The following SLITRK5 variants were observed in gnomAD, a reference collection of about 807,000 sequenced individuals.
SLITRK5 encodes the protein SLIT and NTRK-like protein 5.
A neutral mutation model predicts 56.2 loss-of-function variants in SLITRK5; 23 were observed. The ratio of observed to expected loss-of-function variants is 0.41; its 90% confidence interval spans 0.29 to 0.58. The LOEUF is 0.58. Ranked by LOEUF, SLITRK5 falls within the 20% of genes least tolerant of loss-of-function variation. The pLI is 0.30. For synonymous variants in SLITRK5, 637 were observed against 531.8 expected (o/e 1.20, Z -2.72); for missense variants, 1,289 against 1,226.6 (o/e 1.05, Z -0.76).
chr13:87,672,037 C>A lies in SLITRK5; in HGVS notation c.-181C>A, dbSNP rs986151063. 2.0e-5 allele frequency among the ~76,000 whole-genome samples: 3 copies of A among 152,204 alleles called. No individual in the cohort carries two copies. In the East Asian group the frequency reaches 5.9e-4, roughly 30 times the overall value. On this transcript the variant is annotated 5_prime_UTR_variant, in exon 1 of 2. It introduces an in-frame stop codon into an upstream open reading frame of the 5' UTR. Coordinates refer to ENST00000683689, the MANE Select transcript of SLITRK5 (RefSeq NM_001384609.1). The stretch of plus-strand genomic sequence containing the variant: ...TCCCTCTGGCTCGTCCCCCGGCGTG[C>A]GCCACTGACCAGGGGGGAATGTGGT...
chr13:87,673,106 C>T (rs2137938336), intron 1 of SLITRK5, among the ~76,000 whole-genome samples: 1 of 151,834 alleles, frequency 6.6e-6, no homozygotes, highest in Non-Finnish European at 1.5e-5. Context: ...GTCCGAGAGG[C>T]TCCATGCTGC....
intron 1 of SLITRK5, 57 bp from the exon 2 acceptor site, chr13:87,675,324 G>A: frequency 7.9e-7 from 1 of 1,259,130 alleles, no homozygotes; most frequent in Non-Finnish European, 1.1e-6. Flanking sequence ...CTTTCTGACT[G>A]ATCCCTTAAA....
chr13:87,677,517 T>A lies in SLITRK5; in HGVS notation c.2129T>A (p.Phe710Tyr). ...ACCAACAACTCCGACGTGAGCTCCTTTAACATGCAGTACAGCGTGTACGGC... is the reference window on the plus strand; with the variant it reads ...ACCAACAACTCCGACGTGAGCTCCTATAACATGCAGTACAGCGTGTACGGC... ...TSTNNSDVSS[F>Y]NMQYSVYGGG... Residue 710 changes from phenylalanine (F) to tyrosine (Y), a missense_variant, in exon 2 of 2, where the codon TTT becomes TAT. Around this residue, in one of 3 missense-constraint regions of SLITRK5, gnomAD observed 985 missense variants for 906.0 expected, o/e 1.09. Coordinates refer to ENST00000683689, the MANE Select transcript of SLITRK5 (RefSeq NM_001384609.1). The surrounding 1 kb of genome is among the most constrained non-coding windows in gnomAD (Gnocchi z 4.7). 1 of 1,612,080 alleles carries A rather than the reference T, an allele frequency of 6.2e-7. No individual in the cohort carries two copies. The highest frequency in any genetic ancestry group is 8.5e-7 in the Non-Finnish European group (1 of 1,179,756).
chr13:87,673,694 C>T, intron 1 of SLITRK5: 1 of 454,516 alleles, frequency 2.2e-6, no homozygotes, highest in Non-Finnish European at 4.4e-6. Flanking sequence ...GGTTCCAATT[C>T]ATCTCGACAC....
At chr13:87,672,511 C>A (rs1228252874) in intron 1 of SLITRK5, 1 of 151,586 alleles carries the variant, frequency 6.6e-6, no homozygotes, top group Non-Finnish European at 1.5e-5. Context: ...CCTCCCGCCG[C>A]CTCCCTATCC....
rs762869284 is a variant in SLITRK5, at chr13:87,675,457, G to A, written c.69G>A (p.Leu23=). 2.5e-6 allele frequency: 4 copies of A among 1,614,156 alleles called. No individual in the cohort carries two copies. Among genetic ancestry groups the A allele is most frequent in the Non-Finnish European group, 3.4e-6 (4 of 1,180,032 alleles). Residue 23 remains leucine, a synonymous_variant, in exon 2 of 2, where the codon CTG becomes CTA. Transcript: ENST00000683689. The part of the protein sequence containing the change: ...DLHRKMHSWM[L]QTLAFAVTSL... The stretch of plus-strand genomic sequence containing the variant: ...ACAGAAAAATGCATAGCTGGATGCT[G>A]CAGACTCTAGCGTTTGCTGTAACAT...
At position 87,676,186 on chromosome 13, in the gene SLITRK5, C is replaced by G; in HGVS notation, c.798C>G (p.Thr266=). 1 of 1,614,064 alleles carries G rather than the reference C, an allele frequency of 6.2e-7. No homozygotes were observed. Among genetic ancestry groups the G allele is most frequent in the Non-Finnish European group, 8.5e-7 (1 of 1,180,010 alleles). Residue 266 remains threonine, a synonymous_variant, in exon 2 of 2, where the codon ACC becomes ACG. Transcript: ENST00000683689. ...TGGTGGGGGATGTAGTTTGTGAGACCCCCTTCCGCTTACACGGAAGGGACT... is the reference window on the plus strand; with the variant it reads ...TGGTGGGGGATGTAGTTTGTGAGACGCCCTTCCGCTTACACGGAAGGGACT... The part of the protein sequence containing the change: ...SALVGDVVCE[T]PFRLHGRDLD...
chr13:87,676,580 A>C lies in SLITRK5; in HGVS notation c.1192A>C (p.Ile398Leu), dbSNP rs376547605. Residue 398 changes from isoleucine to leucine, a missense_variant, in exon 2 of 2, where the codon ATC (isoleucine) becomes CTC (leucine). Physicochemically the swap from Ile to Leu is conservative, Grantham distance 5. Coordinates refer to ENST00000683689, the MANE Select transcript of SLITRK5 (RefSeq NM_001384609.1). ...GLNVNCQERK[I>L]ESIAELQPKP... is the part of the protein sequence containing the mutation. ...CAACGTAAACTGCCAGGAGCGAAAG[A>C]TCGAGAGCATCGCTGAACTGCAGCC... 4 of 1,614,008 alleles carry C rather than the reference A, an allele frequency of 2.5e-6. No individual in the cohort carries two copies. In the African/African-American group the frequency reaches 5.3e-5, roughly 22 times the overall value.
Position 87,678,038 on chromosome 13 carries a change from C to G in SLITRK5, c.2650C>G (p.Pro884Ala). The G allele has an allele frequency of 6.2e-7, 1 of 1,614,012 alleles. No individual in the cohort carries two copies. The highest frequency in any genetic ancestry group is 1.1e-5 in the South Asian group (1 of 91,080). ...LPEYPKFPCS[P>A]AAYTFSPNYD... The stretch of plus-strand genomic sequence containing the variant: ...GGAATATCCCAAATTCCCGTGCAGC[C>G]CCGCTGCTTACACTTTCTCCCCCAA... Residue 884 changes from proline to alanine, a missense_variant, in exon 2 of 2, where the codon CCC becomes GCC. Coordinates refer to ENST00000683689, the MANE Select transcript of SLITRK5 (RefSeq NM_001384609.1).
Position 87,678,868 on chromosome 13 carries a change from G to T in SLITRK5, c.*603G>T, listed in dbSNP as rs75871884. ...TCTGGACATTTGAATTAAAAAAAAA[G>T]TATTGTGATCCTGTAAAGGATCACC... On this transcript the variant is annotated 3_prime_UTR_variant, in exon 2 of 2. Coordinates refer to ENST00000683689, the MANE Select transcript of SLITRK5 (RefSeq NM_001384609.1). 1 of 164,808 alleles carries T rather than the reference G, an allele frequency of 6.1e-6. No individual in the cohort carries two copies. Among genetic ancestry groups the T allele is most frequent in the Non-Finnish European group, 1.5e-5 (1 of 67,822 alleles). 10.2% of individuals were successfully genotyped at this position (164,808 alleles called of 1,614,324 possible).
rs1462417042 is a variant in SLITRK5 at position 87,675,878 on chromosome 13, T to A, written c.490T>A (p.Tyr164Asn). The A allele has an allele frequency of 6.2e-7, 1 of 1,614,186 alleles. No homozygotes were observed. The highest frequency in any genetic ancestry group is 1.7e-5 in the Admixed American group (1 of 60,030). Residue 164 changes from tyrosine to asparagine, a missense_variant, in exon 2 of 2, where the codon TAC (tyrosine) becomes AAC (asparagine). Tyr to Asn is a moderately radical substitution (Grantham distance 143). Coordinates refer to ENST00000683689, the MANE Select transcript of SLITRK5 (RefSeq NM_001384609.1). ...GGAGTACCTACAGGTCGATTACAAC[T>A]ACATCAGCGTCATTGAACCCAATGC... ...NLEYLQVDYN[Y>N]ISVIEPNAFG...
Position 87,679,208 on chromosome 13 carries a change from A to C in SLITRK5, c.*943A>C, listed in dbSNP as rs544262393. On this transcript the variant is annotated 3_prime_UTR_variant, in exon 2 of 2. Transcript: ENST00000683689. ...TGAATCTGCATTTTCTTTTAAGAAA[A>C]CAGAGCTGATTGTATCCCAATGTAT... 3.9e-4 allele frequency: 66 copies of C among 167,170 alleles called. No homozygotes were observed. Among genetic ancestry groups the C allele is most frequent in the African/African-American group, 1.5e-3 (64 of 41,586 alleles). 10.4% of individuals were successfully genotyped at this position (167,170 alleles called of 1,614,324 possible). A position where few individuals can be genotyped will look rare whatever the true frequency, so the allele number is the denominator to read the frequency against.
In SLITRK5 at chr13:87,678,962, T is replaced by C. The variant is rs1447109439; in HGVS notation, c.*697T>C. 1 of 164,740 alleles carries C rather than the reference T, an allele frequency of 6.1e-6. No homozygotes were observed. The highest frequency in any genetic ancestry group is 1.5e-5 in the Non-Finnish European group (1 of 67,834). The allele number at this position is 164,740 out of a possible 1,614,324, so 10.2% of individuals were successfully genotyped here. A position where few individuals can be genotyped will look rare whatever the true frequency, so the allele number is the denominator to read the frequency against. On this transcript the variant is annotated 3_prime_UTR_variant, in exon 2 of 2. Transcript: ENST00000683689. ...ATAATTGATTAGTCAAAATAACTTA[T>C]TGATGAAATATACAAATATTTTATT...
chr13:87,677,049 C>G lies in SLITRK5; in HGVS notation c.1661C>G (p.Ser554Ter). Residue 554 changes from serine (S) to a stop codon, truncating the protein, a stop_gained, in exon 2 of 2, where the codon TCA (serine) becomes TGA (stop). Transcript: ENST00000683689. LOFTEE classifies it high-confidence loss of function. The surrounding 1 kb of genome is among the most constrained non-coding windows in gnomAD (Gnocchi z 4.7). ...AGTGGAGTTTTGGACCAGCTGAAGT[C>G]ACTCATCCAAATCGACCTGCATGAC... ...PVSGVLDQLKSLIQIDLHDNP... is the reference protein window; with the variant it reads ...PVSGVLDQLK 1 of 1,614,114 alleles carries G rather than the reference C, an allele frequency of 6.2e-7. No homozygotes were observed. Among genetic ancestry groups the G allele is most frequent in the Non-Finnish European group, 8.5e-7 (1 of 1,180,020 alleles).
Position 87,676,317 on chromosome 13 carries a change from C to A in SLITRK5, c.929C>A (p.Pro310Gln). The change falls in exon 2 of 2, where the codon CCG becomes CAG. Residue 310 changes from proline (P) to glutamine (Q), a missense_variant. Pro to Gln is a moderately conservative substitution (Grantham distance 76). Coordinates refer to ENST00000683689, the MANE Select transcript of SLITRK5 (RefSeq NM_001384609.1). ...ACCACGGGGTATTTACACACCACCC[C>A]GGCGTCAGTGAATTCTGTGGCCACT... ...LSTTGYLHTT[P>Q]ASVNSVATSS... 1 of 1,614,130 alleles carries A rather than the reference C, an allele frequency of 6.2e-7. No homozygotes were observed. The highest frequency in any genetic ancestry group is 8.5e-7 in the Non-Finnish European group (1 of 1,180,030).
At chr13:87,674,372 G>T in intron 1 of SLITRK5, 1 of 985,004 alleles carries the variant, frequency 1.0e-6, no homozygotes, top group Non-Finnish European at 1.2e-6. Context: ...TGCAAACCTT[G>T]CTATTACCGT....
Position 87,677,740 on chromosome 13 carries a change from C to T in SLITRK5, c.2352C>T (p.Val784=). 1 of 1,612,924 alleles carries T rather than the reference C, an allele frequency of 6.2e-7. No individual in the cohort carries two copies. The highest frequency in any genetic ancestry group is 1.1e-5 in the South Asian group (1 of 91,058). ...ACAAAGACCTGCACGAGCTCAAGGT[C>T]ACCTACAGCAGCAACCACCACCTGC... ...EDYKDLHELK[V]TYSSNHHLQQ... is the part of the protein sequence containing the mutation. The change falls in exon 2 of 2, where the codon GTC becomes GTT. Residue 784 remains valine, a synonymous_variant. Coordinates refer to ENST00000683689, the MANE Select transcript of SLITRK5 (RefSeq NM_001384609.1). The surrounding 1 kb of genome is among the most constrained non-coding windows in gnomAD (Gnocchi z 4.7).
chr13:87,675,621 C>A lies in SLITRK5; in HGVS notation c.233C>A (p.Pro78His). 6.2e-7 allele frequency: 1 copy of A among 1,614,172 alleles called. No individual in the cohort carries two copies. The highest frequency in any genetic ancestry group is 8.5e-7 in the Non-Finnish European group (1 of 1,180,046). ...ATCATCAGTCTCTCTGAAATTAGCC[C>A]TCCCCGTTTCCCAATCTACCACCTC... ...RGIISLSEIS[P>H]PRFPIYHLLL... Residue 78 changes from proline to histidine, a missense_variant, in exon 2 of 2, where the codon CCT becomes CAT. Coordinates refer to ENST00000683689, the MANE Select transcript of SLITRK5 (RefSeq NM_001384609.1).
intron 1 of SLITRK5, chr13:87,672,837 G>C (rs1593969976): frequency 6.6e-6 from 1 of 150,634 alleles, no homozygotes; most frequent in African/African-American, 2.6e-5. Context: ...TAAGTCTATC[G>C]TTTACTTTGC....
Sources: allele counts gnomAD v4.1 joint callset (sites outside exome capture counted in the v4.1 genomes callset), GRCh38; gene constraint gnomAD v4.1.1; regional missense constraint gnomAD v4.1.1; non-coding constraint Gnocchi (gnomAD v3.1); transcripts MANE v1.5; gene names NCBI Gene and HGNC (gene_info 2026-07-23, HGNC 2026-07-21).